The following GANC variants were observed in gnomAD, a reference collection of about 807,000 sequenced individuals.
GANC encodes neutral alpha-glucosidase C.
A neutral mutation model predicts 124.2 loss-of-function variants in GANC; 117 were observed. The observed-to-expected ratio is 0.94, with a 90% CI of 0.81 to 1.10. The LOEUF is 1.10. Ranked by LOEUF, GANC falls within the 50% of genes least tolerant of loss-of-function variation. The pLI is 0.00. For synonymous variants in GANC, 377 were observed against 376.8 expected (o/e 1.00, Z -0.01); for missense variants, 1,140 against 1,095.0 (o/e 1.04, Z -0.58).
At chr15:42,297,342 G>A (rs1017586013) in intron 5 of GANC, among the ~76,000 whole-genome samples, 5 of 151,862 alleles carry the variant, frequency 3.3e-5, no homozygotes, top group African/African-American at 1.2e-4. Flanking sequence ...GTTTTTTATT[G>A]TTTAAAGATG....
At chr15:42,303,998 A>G in intron 6 of GANC, among the ~76,000 whole-genome samples, 1 of 152,226 alleles carries the variant, frequency 6.6e-6, no homozygotes, top group East Asian at 1.9e-4. Flanking sequence ...CACTGGACCA[A>G]GCAGACCTAA....
intron 6 of GANC, among the ~76,000 whole-genome samples, chr15:42,299,952 C>G (rs930623076): frequency 3.9e-5 from 6 of 152,134 alleles, no homozygotes; most frequent in African/African-American, 1.4e-4. Context: ...ATGCCTTATA[C>G]AAAAATTAAC....
intron 5 of GANC, 143 bp downstream of exon 5, chr15:42,293,060 T>C: frequency 1.4e-6 from 1 of 735,948 alleles, no homozygotes; most frequent in South Asian, 2.1e-5. Flanking sequence ...TTTTACCTTT[T>C]CACCTGTGAA....
chr15:42,324,738 G>A (rs1301431701), intron 11 of GANC, among the ~76,000 whole-genome samples: 2 of 152,154 alleles, frequency 1.3e-5, no homozygotes, highest in Non-Finnish European at 2.9e-5. Flanking sequence ...TGAAGTAATT[G>A]GAGTAGTCAT....
At position 42,339,650 on chromosome 15, in the gene GANC, G is replaced by A; in HGVS notation, c.1844-19G>A. 1 of 1,607,212 alleles carries A rather than the reference G, an allele frequency of 6.2e-7. No individual in the cohort carries two copies. The highest frequency in any genetic ancestry group is 8.5e-7 in the Non-Finnish European group (1 of 1,175,634). ...TATCCAAAGCTTGGTTGCCTCACTT[G>A]GCCTTCTTTTGCTTCCAGCTGACAT... On this transcript the variant is annotated intron_variant, in intron 16 of 23. Transcript: ENST00000318010.
At chr15:42,286,683 C>G (rs527530502) in intron 3 of GANC, among the ~76,000 whole-genome samples, 41 of 152,284 alleles carry the variant, frequency 2.7e-4, no homozygotes, top group African/African-American at 9.1e-4. Flanking sequence ...TGATTGCTTC[C>G]CTGTTTTCGC....
chr15:42,316,270 CAA>C (rs1478422570), intron 10 of GANC, among the ~76,000 whole-genome samples: 1 of 152,148 alleles, frequency 6.6e-6, no homozygotes. Context: ...AGACACAAGA[CAA>C]AGAGATAAAG....
At chr15:42,290,829 T>G (rs550500761) in intron 4 of GANC, among the ~76,000 whole-genome samples, 11 of 152,264 alleles carry the variant, frequency 7.2e-5, no homozygotes, top group Middle Eastern at 3.4e-3. Context: ...ACAATTTTTT[T>G]TAAAAATTGA....
At chr15:42,343,507 C>T (rs1030096291) in intron 19 of GANC, 6 of 205,048 alleles carry the variant, frequency 2.9e-5, no homozygotes, top group Non-Finnish European at 4.9e-5. Context: ...TATGAAGTGA[C>T]TTTGCTCTTT....
intron 6 of GANC, among the ~76,000 whole-genome samples, chr15:42,303,849 A>T (rs1320281265): frequency 6.6e-6 from 1 of 152,204 alleles, no homozygotes; most frequent in Admixed American, 6.5e-5. Flanking sequence ...ACCCAGATTC[A>T]TAAAGCAAGT....
intron 12 of GANC, 148 bp downstream of exon 12, chr15:42,326,572 CCTT>C: frequency 1.5e-6 from 2 of 1,307,182 alleles, no homozygotes; most frequent in Non-Finnish European, 1.0e-6. Context: ...GATAGGTTTG[CCTT>C]CTTTTGTATC....
intron 6 of GANC, among the ~76,000 whole-genome samples, chr15:42,304,655 A>T (rs2051976366): frequency 6.6e-6 from 1 of 152,244 alleles, no homozygotes; most frequent in African/African-American, 2.4e-5. Flanking sequence ...CCATATAGCC[A>T]AGACAATCCT....
chr15:42,308,463 C>A (rs373757712), intron 8 of GANC, 145 bp downstream of exon 8: 162 of 540,710 alleles, frequency 3.0e-4, no homozygotes, highest in Non-Finnish European at 5.1e-4. Flanking sequence ...AAGAACCCTC[C>A]TTGAATGATC....
chr15:42,288,186 A>G (rs1317977512), intron 4 of GANC, among the ~76,000 whole-genome samples: 1 of 152,176 alleles, frequency 6.6e-6, no homozygotes, highest in Non-Finnish European at 1.5e-5. Flanking sequence ...CACTCAGATT[A>G]GCAGCAGGGC....
intron 1 of GANC, among the ~76,000 whole-genome samples, chr15:42,274,784 C>G (rs979324295): frequency 4.0e-5 from 6 of 151,850 alleles, no homozygotes; most frequent in African/African-American, 1.5e-4. Flanking sequence ...GAGACCCCCT[C>G]CCCGCCCCCT....
chr15:42,304,537 G>T (rs1480740337), intron 6 of GANC, among the ~76,000 whole-genome samples: 1 of 152,204 alleles, frequency 6.6e-6, no homozygotes, highest in African/African-American at 2.4e-5. Context: ...TGGCTGTACT[G>T]CCCAAAGTGA....
intron 6 of GANC, among the ~76,000 whole-genome samples, chr15:42,302,583 A>G (rs528317750): frequency 1.3e-4 from 20 of 152,182 alleles, no homozygotes; most frequent in Non-Finnish European, 2.8e-4. Context: ...TTCTAACCCA[A>G]TGCAAGGAAG....
intron 11 of GANC, among the ~76,000 whole-genome samples, chr15:42,322,639 G>A (rs1275488869): frequency 1.3e-5 from 2 of 152,078 alleles, no homozygotes; most frequent in Admixed American, 6.5e-5. Flanking sequence ...GCTTGAAAAC[G>A]CTTAAAAGTC....
At chr15:42,296,636 A>G (rs937619846) in intron 5 of GANC, among the ~76,000 whole-genome samples, 3 of 152,080 alleles carry the variant, frequency 2.0e-5, no homozygotes, top group Non-Finnish European at 4.4e-5. Context: ...CAGGTAATCT[A>G]CCCGCATTGG....
Sources: allele counts gnomAD v4.1 joint callset (sites outside exome capture counted in the v4.1 genomes callset), GRCh38; gene constraint gnomAD v4.1.1; transcripts MANE v1.5; gene names NCBI Gene and HGNC (gene_info 2026-07-23, HGNC 2026-07-21).